Variants in JPH1 observed in about 807,000 individuals in gnomAD.
JPH1 encodes junctophilin 1.
In JPH1, 12 loss-of-function variants were observed where a neutral mutation model predicts 53.6. The observed-to-expected ratio is 0.22, with a 90% CI of 0.14 to 0.36. The LOEUF (loss-of-function observed/expected upper bound fraction) is 0.36. JPH1 is among the 10% of genes least tolerant of loss of function. The pLI, the probability that JPH1 is intolerant of heterozygous loss-of-function variation, is 1.00. For missense variants in JPH1, 808 were observed against 905.5 expected, an observed-to-expected ratio of 0.89 and a Z score of 1.38; for synonymous variants, 375 against 363.8, an observed-to-expected ratio of 1.03 and a Z score of -0.35.
chr8:74,247,404 A>G (rs1350931083), intron 3 of JPH1, among the ~76,000 whole-genome samples: 1 of 152,226 alleles, frequency 6.6e-6, no homozygotes, highest in East Asian at 1.9e-4. Context: ...CGGACTTTTA[A>G]TTTAAGCCAC....
chr8:74,273,420 G>GA (rs1806760372), intron 2 of JPH1, among the ~76,000 whole-genome samples: 1 of 151,854 alleles, frequency 6.6e-6, no homozygotes, highest in Non-Finnish European at 1.5e-5. Context: ...TGAGTCCCAG[G>GA]AAAAATAACA....
chr8:74,258,613 C>T (rs971794073), intron 3 of JPH1, among the ~76,000 whole-genome samples: 1 of 152,106 alleles, frequency 6.6e-6, no homozygotes, highest in African/African-American at 2.4e-5. Context: ...ACTTCCTAAC[C>T]ACAGTCCTTT....
At chr8:74,282,811 G>A (rs1446119902) in intron 2 of JPH1, among the ~76,000 whole-genome samples, 1 of 152,166 alleles carries the variant, frequency 6.6e-6, no homozygotes, top group Non-Finnish European at 1.5e-5. Context: ...AGGGGACCGG[G>A]AACGTTTCCA....
chr8:74,249,475 C>T (rs1805972901), intron 3 of JPH1, among the ~76,000 whole-genome samples: 1 of 152,160 alleles, frequency 6.6e-6, no homozygotes, highest in Non-Finnish European at 1.5e-5. Context: ...GTGACCACAG[C>T]CATAGTGCTC....
intron 2 of JPH1, among the ~76,000 whole-genome samples, chr8:74,299,416 G>A (rs1005858328): frequency 2.6e-5 from 4 of 152,134 alleles, no homozygotes; most frequent in African/African-American, 9.7e-5. Flanking sequence ...ACAGATTGTA[G>A]CTTACTCTTG....
chr8:74,319,054 GTTT>G (rs1219726779), intron 1 of JPH1, among the ~76,000 whole-genome samples: 2 of 150,820 alleles, frequency 1.3e-5, no homozygotes, highest in Non-Finnish European at 3.0e-5. Context: ...CAAGTTTTAA[GTTT>G]TTTTTTAAGT....
intron 4 of JPH1, among the ~76,000 whole-genome samples, chr8:74,238,310 T>A (rs7839862): frequency 1.3e-5 from 2 of 152,058 alleles, no homozygotes; most frequent in African/African-American, 2.4e-5. Context: ...AAGTGAATAA[T>A]GGAGATTGGA....
intron 2 of JPH1, among the ~76,000 whole-genome samples, chr8:74,265,335 T>A (rs2131399837): frequency 6.6e-6 from 1 of 152,342 alleles, no homozygotes; most frequent in Non-Finnish European, 1.5e-5. Flanking sequence ...TACTTATTTT[T>A]AATTAAGTAC....
At position 74,241,994 on chromosome 8, in the gene JPH1, T is replaced by C. The variant is rs113485418; in HGVS notation, c.1905+2535A>G. The stretch of plus-strand genomic sequence containing the variant: ...ACTCTACAAAAATTTCGGGATCACA[T>C]TGAATGCGTGCCCCTAGGACATGAG... On this transcript the variant is annotated intron_variant, in intron 4 of 5. Coordinates refer to ENST00000342232, the MANE Select transcript of JPH1 (RefSeq NM_020647.4). Among the ~76,000 whole-genome samples, 717 of 152,254 alleles carry C rather than the reference T, an allele frequency of 4.7e-3. 2 individuals carry two copies. The highest frequency in any genetic ancestry group is 0.016 in the African/African-American group (682 of 41,542).
In JPH1 at chr8:74,312,735, C is replaced by A. The variant is rs371332787; in HGVS notation, c.1139+2126G>T. 3.3e-5 allele frequency among the ~76,000 whole-genome samples: 5 copies of A among 152,226 alleles called. No individual in the cohort carries two copies. The East Asian group carries it at 7.7e-4, about 23-fold the overall frequency. ...TTACTCTATGTTTCTATGAGTTTGA[C>A]CATTTTAGATCAAGTCAGGTCATTG... is the stretch of plus-strand genomic sequence containing the variant. On this transcript the variant is annotated intron_variant, in intron 2 of 5. Coordinates refer to ENST00000342232, the MANE Select transcript of JPH1 (RefSeq NM_020647.4).
chr8:74,309,187 C>T (rs1251908124), intron 2 of JPH1, among the ~76,000 whole-genome samples: 1 of 152,182 alleles, frequency 6.6e-6, no homozygotes, highest in Non-Finnish European at 1.5e-5. Context: ...ATCCCCATCA[C>T]TGACACTTCC....
At position 74,320,775 on chromosome 8, in the gene JPH1, G is replaced by A. The variant is rs973179096; in HGVS notation, c.379+134C>T. On this transcript the variant is annotated intron_variant, in intron 1 of 5. Coordinates refer to ENST00000342232, the MANE Select transcript of JPH1 (RefSeq NM_020647.4). This position sits in a 1 kb window ranked among gnomAD's most constrained non-coding sequence, Gnocchi z 4.4. ...GGGAAAGGCGGGCGCGGGCGCGGGG[G>A]TGGGAGGCGCCCCCAGGTGTTTTGG... 3.6e-6 allele frequency: 4 copies of A among 1,110,540 alleles called. No homozygotes were observed. In the African/African-American group the frequency reaches 5.0e-5, roughly 14 times the overall value. 68.8% of individuals were successfully genotyped at this position (1,110,540 alleles called of 1,614,324 possible).
At chr8:74,245,915 GA>G (rs112727683) in intron 3 of JPH1, among the ~76,000 whole-genome samples, 9,016 of 86,162 alleles carry the variant, frequency 0.1, 582 homozygotes, top group African/African-American at 0.22. Context: ...AGGAAAAAAT[GA>G]AAAAAAAAAA....
chr8:74,247,440 T>C (rs1222732113), intron 3 of JPH1, among the ~76,000 whole-genome samples: 1 of 152,192 alleles, frequency 6.6e-6, no homozygotes, highest in African/African-American at 2.4e-5. Flanking sequence ...TTACATAAAA[T>C]ACAAAGTGCT....
rs1021733331 is a variant in JPH1, at chr8:74,290,796, G to C, written c.1139+24065C>G. ...ACCAAAACAGAGATATAGACCAATG[G>C]AACAGAACAGAGCCCTCAGAAATAA... is the stretch of plus-strand genomic sequence containing the variant. On this transcript the variant is annotated intron_variant, in intron 2 of 5. Coordinates refer to ENST00000342232, the MANE Select transcript of JPH1 (RefSeq NM_020647.4). 2.0e-5 allele frequency among the ~76,000 whole-genome samples: 3 copies of C among 152,196 alleles called. No individual in the cohort carries two copies. In the South Asian group the frequency reaches 6.2e-4, roughly 32 times the overall value.
At chr8:74,307,293 T>G (rs1807867143) in intron 2 of JPH1, among the ~76,000 whole-genome samples, 1 of 152,236 alleles carries the variant, frequency 6.6e-6, no homozygotes, top group South Asian at 2.1e-4. Flanking sequence ...ATGTGTGGTT[T>G]ATAGTTTACA....
chr8:74,309,056 G>A (rs931164577), intron 2 of JPH1, among the ~76,000 whole-genome samples: 2 of 152,308 alleles, frequency 1.3e-5, no homozygotes, highest in East Asian at 1.9e-4. Context: ...TGAACAGGGT[G>A]CAGAAGAGAC....
At chr8:74,316,925 A>C (rs1238183586) in intron 1 of JPH1, among the ~76,000 whole-genome samples, 1 of 152,204 alleles carries the variant, frequency 6.6e-6, no homozygotes. Flanking sequence ...CTATCTGGAA[A>C]ATTTAAAATG....
intron 2 of JPH1, among the ~76,000 whole-genome samples, chr8:74,277,336 G>A (rs1235274377): frequency 1.3e-5 from 2 of 152,266 alleles, no homozygotes; most frequent in African/African-American, 4.8e-5. Flanking sequence ...TTGAAAAGCC[G>A]GCTACCTCAA....
Sources: allele counts gnomAD v4.1 joint callset (sites outside exome capture counted in the v4.1 genomes callset), GRCh38; gene constraint gnomAD v4.1.1; non-coding constraint Gnocchi (gnomAD v3.1); transcripts MANE v1.5; gene names NCBI Gene and HGNC (gene_info 2026-07-23, HGNC 2026-07-21).